The following CELSR3 variants were observed in gnomAD, a reference collection of about 807,000 sequenced individuals.
The protein encoded by CELSR3 is cadherin EGF LAG seven-pass G-type receptor 3.
Under a neutral mutation model 270.0 loss-of-function variants are expected in CELSR3, and 73 were observed. That is an observed-to-expected ratio of 0.27 (90% CI 0.22 to 0.33). The LOEUF (loss-of-function observed/expected upper bound fraction) is 0.33, where lower values mean the gene tolerates loss of function less well. CELSR3 is among the 10% of genes least tolerant of loss of function. The pLI, the probability that CELSR3 is intolerant of heterozygous loss-of-function variation, is 1.00. For missense variants in CELSR3, 3,614 were observed against 4,533.8 expected (o/e 0.80, Z 5.83); for synonymous variants, 1,780 against 1,905.4 (o/e 0.93, Z 1.71).
At chr3:48,643,134 C>T (rs748480955) in intron 28 of CELSR3, 51 bp from the exon 29 acceptor site, 1 of 1,222,866 alleles carries the variant, frequency 8.2e-7, no homozygotes, top group African/African-American at 1.5e-5. Flanking sequence ...AATCAGGGAC[C>T]AGTATAAGTC....
chr3:48,652,376 G>A lies in CELSR3; in HGVS notation c.5751+61C>T. 7.6e-7 allele frequency: 1 copy of A among 1,313,736 alleles called. No individual in the cohort carries two copies. Among genetic ancestry groups the A allele is most frequent in the Non-Finnish European group, 1.1e-6 (1 of 907,342 alleles). The allele number at this position is 1,313,736 out of a possible 1,614,324, so 81.4% of individuals were successfully genotyped here. A position where few individuals can be genotyped will look rare whatever the true frequency, so the allele number is the denominator to read the frequency against. Reference sequence around the variant, plus strand: ...AATACTGCCTTTCAGGTCCCAAGGAGCCCCTGACTTCTGACCCCTGACCCT... The same window carrying A: ...AATACTGCCTTTCAGGTCCCAAGGAACCCCTGACTTCTGACCCCTGACCCT... On this transcript the variant is annotated intron_variant, in intron 11 of 34. Coordinates refer to ENST00000164024, the MANE Select transcript of CELSR3 (RefSeq NM_001407.3). This position sits in a 1 kb window ranked among gnomAD's most constrained non-coding sequence, Gnocchi z 4.3.
Position 48,645,488 on chromosome 3 carries a change from C to T in CELSR3, c.7752G>A (p.Val2584=). The T allele has an allele frequency of 6.2e-7, 1 of 1,612,862 alleles. No individual in the cohort carries two copies. The highest frequency in any genetic ancestry group is 8.5e-7 in the Non-Finnish European group (1 of 1,180,022). The change falls in exon 24 of 35, where the codon GTG becomes GTA. Residue 2584 remains valine, a synonymous_variant. Transcript: ENST00000164024. This position sits in a 1 kb window ranked among gnomAD's most constrained non-coding sequence, Gnocchi z 5.4. ...TCCCCAGCAGGAAGAGGAGCTCTGC[C>T]ACCCCCAGGGCGGCTGCCACATTGG... ...IHANVAAALG[V]AELLFLLGIH...
chr3:48,644,656 C>T lies in CELSR3; in HGVS notation c.8085+60G>A, dbSNP rs2047062744. 5.4e-5 allele frequency: 74 copies of T among 1,365,732 alleles called. No individual in the cohort carries two copies. Among genetic ancestry groups the T allele is most frequent in the South Asian group, 2.6e-4 (22 of 84,408 alleles). The allele number at this position is 1,365,732 out of a possible 1,614,324, so 84.6% of individuals were successfully genotyped here. A position where few individuals can be genotyped will look rare whatever the true frequency, so the allele number is the denominator to read the frequency against. On this transcript the variant is annotated intron_variant, in intron 26 of 34. Transcript: ENST00000164024. This position sits in a 1 kb window ranked among gnomAD's most constrained non-coding sequence, Gnocchi z 4.8. ...TGACCGCCCTCAGCTGAGTCCACTG[C>T]ACCTCCTCCCCCAATGAGGGAGGGA...
chr3:48,659,812 C>T lies in CELSR3; in HGVS notation c.2823G>A (p.Lys941=), dbSNP rs770420814. 1.7e-5 allele frequency: 27 copies of T among 1,614,096 alleles called. No individual in the cohort carries two copies. Among genetic ancestry groups the T allele is most frequent in the Non-Finnish European group, 2.1e-5 (25 of 1,180,050 alleles). Residue 941 remains lysine (K), a synonymous_variant, in exon 1 of 35, where the codon AAG becomes AAA. Coordinates refer to ENST00000164024, the MANE Select transcript of CELSR3 (RefSeq NM_001407.3). The surrounding 1 kb of genome is among the most constrained non-coding windows in gnomAD (Gnocchi z 8.1). Reference sequence around the variant, plus strand: ...TCACCTCCACATAAGTAGTGTCTGCCTTCTGTGGGATGCCATTGTCCCGAG... The same window carrying T: ...TCACCTCCACATAAGTAGTGTCTGCTTTCTGTGGGATGCCATTGTCCCGAG... ...ITARDNGIPQ[K]ADTTYVEVMV...
rs777411095 is a variant in CELSR3 at position 48,655,803 on chromosome 3, C to G, written c.4674G>C (p.Leu1558=). Residue 1558 remains leucine, a synonymous_variant, in exon 4 of 35, where the codon CTG becomes CTC. Transcript: ENST00000164024. This position sits in a 1 kb window ranked among gnomAD's most constrained non-coding sequence, Gnocchi z 5.8. ...GGGCCAGGAAGTCGTGCTTCTCGTT[C>G]AGGCGCCCGTTGTAGAAGAGCAGCC... ...QSGLLFYNGR[L]NEKHDFLALE... 7.5e-6 allele frequency: 12 copies of G among 1,592,668 alleles called. No homozygotes were observed. The South Asian group carries it at 1.3e-4, about 18-fold the overall frequency.
chr3:48,660,823 C>T lies in CELSR3; in HGVS notation c.1812G>A (p.Val604=), dbSNP rs1002900288. Reference sequence around the variant, plus strand: ...CTGCCTCGAAGTCCAGAGGTGCCACCACCTGGATCTCGCCAGTGAGGCTGT... The same window carrying T: ...CTGCCTCGAAGTCCAGAGGTGCCACTACCTGGATCTCGCCAGTGAGGCTGT... ...AIDSLTGEIQ[V]VAPLDFEAER... is the part of the protein sequence containing the mutation. The change falls in exon 1 of 35, where the codon GTG becomes GTA. Residue 604 remains valine, a synonymous_variant. Transcript: ENST00000164024. The surrounding 1 kb of genome is among the most constrained non-coding windows in gnomAD (Gnocchi z 5.5). 6.2e-7 allele frequency: 1 copy of T among 1,614,088 alleles called. No individual in the cohort carries two copies. The highest frequency in any genetic ancestry group is 2.2e-5 in the East Asian group (1 of 44,888).
rs1186566748 is a variant in CELSR3, at chr3:48,641,180, T to C, written c.9025+144A>G. 1.4e-4 allele frequency: 94 copies of C among 658,106 alleles called. No individual in the cohort carries two copies. The South Asian group carries it at 1.6e-3, about 11-fold the overall frequency. The allele number at this position is 658,106 out of a possible 1,614,324, so 40.8% of individuals were successfully genotyped here. A position where few individuals can be genotyped will look rare whatever the true frequency, so the allele number is the denominator to read the frequency against. On this transcript the variant is annotated intron_variant, in intron 33 of 34. Transcript: ENST00000164024. The surrounding 1 kb of genome is among the most constrained non-coding windows in gnomAD (Gnocchi z 4.8). ...GGACAGGAGCAGTCCCTGAGGACCG[T>C]GAAGCAGGCTAGAGAAGCAGAAGCG...
rs2077034529 is a variant in CELSR3, at chr3:48,657,759, C to T, written c.3749-411G>A. 6.6e-6 allele frequency among the ~76,000 whole-genome samples: 1 copy of T among 152,210 alleles called. No individual in the cohort carries two copies. Among genetic ancestry groups the T allele is most frequent in the South Asian group, 2.1e-4 (1 of 4,832 alleles). On this transcript the variant is annotated intron_variant, in intron 1 of 34. Coordinates refer to ENST00000164024, the MANE Select transcript of CELSR3 (RefSeq NM_001407.3). The surrounding 1 kb of genome is among the most constrained non-coding windows in gnomAD (Gnocchi z 5.4). ...CCACTGGCCACTCATTCCCAGCCAC[C>T]TTTCCCTTCTCCCCTCCTCCAGCAT...
rs374796749 is a variant in CELSR3, at chr3:48,643,130, G to A, written c.8290-47C>T. The A allele has an allele frequency of 3.0e-4, 381 of 1,287,174 alleles. 1 individual carries two copies. Among genetic ancestry groups the A allele is most frequent in the Admixed American group, 5.1e-4 (30 of 58,772 alleles). 79.7% of individuals were successfully genotyped at this position (1,287,174 alleles called of 1,614,324 possible). On this transcript the variant is annotated intron_variant, in intron 28 of 34. Transcript: ENST00000164024. ...AGCAGAGTCGGCAGGGATCAATCAG[G>A]GACCAGTATAAGTCACTGTGGGTCA...
At position 48,650,894 on chromosome 3, in the gene CELSR3, C is replaced by T. The variant is rs139998746; in HGVS notation, c.6368G>A (p.Arg2123Gln). 68 of 1,609,972 alleles carry T rather than the reference C, an allele frequency of 4.2e-5. No individual in the cohort carries two copies. The highest frequency in any genetic ancestry group is 5.3e-5 in the African/African-American group (4 of 74,962). ...GGAGCTGGGTGGAGCCTGCTCACCCCGGCAGCCGCTGGCTGTCACCTCTGC... is the reference window on the plus strand; with the variant it reads ...GGAGCTGGGTGGAGCCTGCTCACCCTGGCAGCCGCTGGCTGTCACCTCTGC... Reference protein sequence around the residue: ...PFAEVTASGCRVLYDACPKSL... With the variant: ...PFAEVTASGCQVLYDACPKSL... Residue 2123 changes from arginine to glutamine, a missense_variant and splice_region_variant, in exon 15 of 35, where the codon CGG becomes CAG. Arg to Gln is a conservative substitution (Grantham distance 43). Transcript: ENST00000164024. This position sits in a 1 kb window ranked among gnomAD's most constrained non-coding sequence, Gnocchi z 5.1.
At position 48,638,240 on chromosome 3, in the gene CELSR3, C is replaced by T. The variant is rs369652176; in HGVS notation, c.9912-8G>A. 428 of 1,611,910 alleles carry T rather than the reference C, an allele frequency of 2.7e-4. 10 individuals are homozygous for T. The South Asian group carries it at 4.4e-3, about 17-fold the overall frequency. ...CCCTCACTTCTGGGAACTCTGGAGG[C>T]ACATGAGGAAATCAGAGGTTGATGC... On this transcript the variant is annotated splice_polypyrimidine_tract_variant and splice_region_variant and intron_variant, in intron 34 of 34. Transcript: ENST00000164024.
Position 48,648,890 on chromosome 3 carries a change from G to T in CELSR3, c.6606C>A (p.Thr2202=). The part of the protein sequence containing the change: ...GLELNKTALD[T]MEAKKLAQRL... ...GCTGAGCCAGCTTCTTGGCCTCCAT[G>T]GTATCCAGTGCCGTCTTGTTCAGCT... Residue 2202 remains threonine, a synonymous_variant, in exon 18 of 35, where the codon ACC becomes ACA. Transcript: ENST00000164024. The T allele has an allele frequency of 1.2e-6, 2 of 1,612,858 alleles. No homozygotes were observed. Among genetic ancestry groups the T allele is most frequent in the Non-Finnish European group, 1.7e-6 (2 of 1,180,006 alleles).
chr3:48,653,851 C>A lies in CELSR3; in HGVS notation c.5278+27G>T. 6.2e-7 allele frequency: 1 copy of A among 1,612,252 alleles called. No homozygotes were observed. The highest frequency in any genetic ancestry group is 8.5e-7 in the Non-Finnish European group (1 of 1,178,546). On this transcript the variant is annotated intron_variant, in intron 8 of 34. Transcript: ENST00000164024. The surrounding 1 kb of genome is among the most constrained non-coding windows in gnomAD (Gnocchi z 6.5). Reference sequence around the variant, plus strand: ...CCAGGAACAGATCTGACCCTGCAGGCCCCTCTGCCCCATGCTGCCCACTTA... The same window carrying A: ...CCAGGAACAGATCTGACCCTGCAGGACCCTCTGCCCCATGCTGCCCACTTA...
At position 48,646,865 on chromosome 3, in the gene CELSR3, G is replaced by C; in HGVS notation, c.7193C>G (p.Pro2398Arg). Residue 2398 changes from proline to arginine, a missense_variant, in exon 21 of 35, where the codon CCG becomes CGG. Physicochemically the swap from Pro to Arg is moderately radical, Grantham distance 103 (BLOSUM62 -2). Coordinates refer to ENST00000164024, the MANE Select transcript of CELSR3 (RefSeq NM_001407.3). The surrounding 1 kb of genome is among the most constrained non-coding windows in gnomAD (Gnocchi z 4.8). ...GGAGATCCCAGGCTCTGGCTCTGGC[G>C]GGGCTGGTGGGGGGACCACACTTGA... ...TTSSVVPPPAPPEPEPGISII... is the reference protein window; with the variant it reads ...TTSSVVPPPARPEPEPGISII... 1 of 1,590,802 alleles carries C rather than the reference G, an allele frequency of 6.3e-7. No individual in the cohort carries two copies. The highest frequency in any genetic ancestry group is 8.5e-7 in the Non-Finnish European group (1 of 1,171,644).
At position 48,657,269 on chromosome 3, in the gene CELSR3, G is replaced by C. The variant is rs1299111581; in HGVS notation, c.3828C>G (p.Thr1276=). The C allele has an allele frequency of 1.9e-6, 3 of 1,612,192 alleles. No homozygotes were observed. Among genetic ancestry groups the C allele is most frequent in the South Asian group, 1.1e-5 (1 of 90,872 alleles). ...ITEELLANSL[T]VRLENMWQER... ...CCTGCCACATGTTCTCAAGGCGCAC[G>C]GTCAGGCTGTTGGCCAGCAACTCCT... Residue 1276 remains threonine, a synonymous_variant, in exon 2 of 35, where the codon ACC becomes ACG. Coordinates refer to ENST00000164024, the MANE Select transcript of CELSR3 (RefSeq NM_001407.3). This position sits in a 1 kb window ranked among gnomAD's most constrained non-coding sequence, Gnocchi z 5.4.
At position 48,651,738 on chromosome 3, in the gene CELSR3, G is replaced by A. The variant is rs775625655; in HGVS notation, c.5924-20C>T. On this transcript the variant is annotated intron_variant, in intron 12 of 34. Transcript: ENST00000164024. This position sits in a 1 kb window ranked among gnomAD's most constrained non-coding sequence, Gnocchi z 7.4. ...AGTAACCTGCAGATTGGGTCAGAAAGCTCAGGATCCTGGTCGCAGAGCATG... is the reference window on the plus strand; with the variant it reads ...AGTAACCTGCAGATTGGGTCAGAAAACTCAGGATCCTGGTCGCAGAGCATG... The A allele has an allele frequency of 3.9e-6, 6 of 1,535,040 alleles. No homozygotes were observed. The highest frequency in any genetic ancestry group is 2.6e-5 in the South Asian group (2 of 78,130).
Position 48,640,717 on chromosome 3 carries a change from C to T in CELSR3, c.9026-158G>A. 1.3e-6 allele frequency: 1 copy of T among 742,912 alleles called. No homozygotes were observed. The highest frequency in any genetic ancestry group is 2.1e-6 in the Non-Finnish European group (1 of 477,524). The allele number at this position is 742,912 out of a possible 1,614,324, so 46.0% of individuals were successfully genotyped here. On this transcript the variant is annotated intron_variant, in intron 33 of 34. Transcript: ENST00000164024. This position sits in a 1 kb window ranked among gnomAD's most constrained non-coding sequence, Gnocchi z 7.5. ...GCAGCAGAGGCAACCCTGGTGGTCC[C>T]AGAGAGGCAGCAGGACAGGGGTCAG...
Position 48,647,944 on chromosome 3 carries a change from G to C in CELSR3, c.7026C>G (p.Arg2342=), listed in dbSNP as rs1371292056. The C allele has an allele frequency of 1.2e-6, 2 of 1,612,156 alleles. No homozygotes were observed. The highest frequency in any genetic ancestry group is 1.1e-5 in the South Asian group (1 of 91,080). ...EHPSSPRGAR[R]YPRYHSNLFR... is the part of the protein sequence containing the mutation. ...AGAGGTTGCTATGGTAGCGAGGGTAGCGACGGGCCCCCCGGGGAGAACTGG... is the reference window on the plus strand; with the variant it reads ...AGAGGTTGCTATGGTAGCGAGGGTACCGACGGGCCCCCCGGGGAGAACTGG... The change falls in exon 20 of 35, where the codon CGC becomes CGG. Residue 2342 remains arginine (R), a synonymous_variant. Transcript: ENST00000164024.
rs372938625 is a variant in CELSR3, at chr3:48,645,850, C to T, written c.7482G>A (p.Val2494=). The T allele has an allele frequency of 3.1e-6, 5 of 1,605,594 alleles. No homozygotes were observed. Among genetic ancestry groups the T allele is most frequent in the East Asian group, 4.5e-5 (2 of 44,682 alleles). Residue 2494 remains valine (V), a synonymous_variant, in exon 23 of 35, where the codon GTG becomes GTA. Transcript: ENST00000164024. This position sits in a 1 kb window ranked among gnomAD's most constrained non-coding sequence, Gnocchi z 5.4. ...DPPGLAEQHG[V]WTARDCELVH... Reference sequence around the variant, plus strand: ...CCAGCTCGCAGTCCCGTGCTGTCCACACACCATGCTGCTCCGCCCTGCAGC... The same window carrying T: ...CCAGCTCGCAGTCCCGTGCTGTCCATACACCATGCTGCTCCGCCCTGCAGC...
Sources: allele counts gnomAD v4.1 joint callset (sites outside exome capture counted in the v4.1 genomes callset), GRCh38; gene constraint gnomAD v4.1.1; non-coding constraint Gnocchi (gnomAD v3.1); transcripts MANE v1.5; gene names NCBI Gene and HGNC (gene_info 2026-07-23, HGNC 2026-07-21).